The following GEN1 variants were observed in gnomAD, a reference collection of about 807,000 sequenced individuals.
The protein encoded by GEN1 is flap endonuclease GEN homolog 1.
A neutral mutation model predicts 67.6 loss-of-function variants in GEN1; 64 were observed. The observed-to-expected ratio is 0.95, with a 90% confidence interval of 0.77 to 1.17. GEN1 has a LOEUF of 1.17. Among genes scored for constraint, GEN1 ranks in the 50% most tolerant of loss-of-function variants. GEN1 has a pLI of 0.00. For synonymous variants in GEN1, 371 were observed against 359.4 expected (o/e 1.03, Z -0.37); for missense variants, 1,058 against 1,048.3 (o/e 1.01, Z -0.13).
At chr2:17,761,642 T>A in intron 3 of GEN1, 60 bp downstream of exon 3, 1 of 1,140,486 alleles carries the variant, frequency 8.8e-7, no homozygotes, top group Non-Finnish European at 1.3e-6. Context: ...ATTTTACTCT[T>A]AATAGTTTGT....
intron 6 of GEN1, among the ~76,000 whole-genome samples, chr2:17,770,768 A>G (rs1165253583): frequency 1.3e-5 from 2 of 151,892 alleles, no homozygotes; most frequent in Admixed American, 6.6e-5. Flanking sequence ...AATTTTATAT[A>G]TTACTCTTTA....
At chr2:17,770,722 G>T (rs867009093) in intron 6 of GEN1, among the ~76,000 whole-genome samples, 3 of 151,976 alleles carry the variant, frequency 2.0e-5, no homozygotes, top group South Asian at 2.1e-4. Flanking sequence ...TTAGCTTTTT[G>T]ATACAGTTTT....
rs866556816 is a variant in GEN1 at position 17,778,209 on chromosome 2, T to C, written c.1264+146T>C. On this transcript the variant is annotated intron_variant, in intron 12 of 13. Coordinates refer to ENST00000381254, the MANE Select transcript of GEN1 (RefSeq NM_001130009.3). ...ATATACACACACACATATATGTGTA[T>C]ATATATGTATACACACACATATATG... 19,999 of 228,666 alleles carry C rather than the reference T, an allele frequency of 0.087. 4,501 individuals carry two copies. The highest frequency in any genetic ancestry group is 0.56 in the East Asian group (7,121 of 12,650). 14.2% of individuals were successfully genotyped at this position (228,666 alleles called of 1,614,324 possible).
rs138430751 is a variant in GEN1 at position 17,756,224 on chromosome 2, G to A, written c.-16+1879G>A. Among the ~76,000 whole-genome samples the A allele has an allele frequency of 3.5e-3, 531 of 152,304 alleles. 1 individual carries two copies. The highest frequency in any genetic ancestry group is 4.2e-3 in the Non-Finnish European group (288 of 68,020). On this transcript the variant is annotated intron_variant, in intron 1 of 13. Coordinates refer to ENST00000381254, the MANE Select transcript of GEN1 (RefSeq NM_001130009.3). ...CCAAATCCTAGGCTTCCTATCTGAA[G>A]TCCATTGCTTATGAAGTGGTTTGCT...
In GEN1 at chr2:17,778,260, ATGTGTG is replaced by A. The variant is rs1388213641; in HGVS notation, c.1264+199_1264+204del. Among the ~76,000 whole-genome samples the A allele has an allele frequency of 2.1e-4, 8 of 37,252 alleles. 2 individuals are homozygous for A. Among genetic ancestry groups the A allele is most frequent in the African/African-American group, 5.1e-4 (8 of 15,614 alleles). The allele number at this position is 37,252 out of a possible 152,430, so 24.4% of individuals were successfully genotyped here. A position where few individuals can be genotyped will look rare whatever the true frequency, so the allele number is the denominator to read the frequency against. Reference sequence around the variant, plus strand: ...TGTGTACATATATGTATACACACATATGTGTGTACATATATGTATATACACACACAT... The same window carrying A: ...TGTGTACATATATGTATACACACATATACATATATGTATATACACACACAT... On this transcript the variant is annotated intron_variant, in intron 12 of 13. Coordinates refer to ENST00000381254, the MANE Select transcript of GEN1 (RefSeq NM_001130009.3).
chr2:17,778,328 ACATATATGTATACACACACATG>A lies in GEN1; in HGVS notation c.1264+266_1264+287del, dbSNP rs1157878723. ...TATATGTATATACACACACACGTGT[ACATATATGTATACACACACATG>A]TGTGTACATATATGTATATACACAC... On this transcript the variant is annotated intron_variant, in intron 12 of 13. Transcript: ENST00000381254. Among the ~76,000 whole-genome samples the A allele has an allele frequency of 1.2e-3, 48 of 40,144 alleles. 14 individuals are homozygous for A. Among genetic ancestry groups the A allele is most frequent in the African/African-American group, 4.9e-3 (48 of 9,820 alleles). 26.3% of individuals were successfully genotyped at this position (40,144 alleles called of 152,430 possible). A position where few individuals can be genotyped will look rare whatever the true frequency, so the allele number is the denominator to read the frequency against.
Position 17,771,228 on chromosome 2 carries a change from C to G in GEN1, c.743C>G (p.Ser248Cys), listed in dbSNP as rs2125143020. ...CGGTGGAATGAAACATCTTGTAACT[C>G]TAGTCCACAACTGCTAGTCACTAAA... is the stretch of plus-strand genomic sequence containing the variant. ...FNRWNETSCNSSPQLLVTKKL... is the reference protein window; with the variant it reads ...FNRWNETSCNCSPQLLVTKKL... Residue 248 changes from serine (S) to cysteine (C), a missense_variant, in exon 7 of 14, where the codon TCT becomes TGT. Coordinates refer to ENST00000381254, the MANE Select transcript of GEN1 (RefSeq NM_001130009.3). 1.2e-6 allele frequency: 2 copies of G among 1,612,102 alleles called. No homozygotes were observed. Among genetic ancestry groups the G allele is most frequent in the South Asian group, 2.2e-5 (2 of 91,030 alleles).
chr2:17,777,857 A>G (rs1672512905), intron 11 of GEN1, 145 bp from the exon 12 acceptor site: 2 of 497,422 alleles, frequency 4.0e-6, no homozygotes, highest in East Asian at 7.0e-5. Flanking sequence ...TATCTTTTGA[A>G]TAAACTAGTC....
intron 7 of GEN1, among the ~76,000 whole-genome samples, chr2:17,772,099 G>A (rs1181480317): frequency 6.6e-6 from 1 of 151,852 alleles, no homozygotes; most frequent in African/African-American, 2.4e-5. Context: ...CTTTTAAAGG[G>A]AATTAAATTT....
intron 10 of GEN1, 43 bp from the exon 11 acceptor site, chr2:17,774,228 C>T: frequency 8.3e-7 from 1 of 1,201,860 alleles, no homozygotes; most frequent in Non-Finnish European, 1.1e-6. Context: ...TATTTGTCTC[C>T]AAGAGATAAC....
At chr2:17,772,147 A>C (rs902907999) in intron 7 of GEN1, among the ~76,000 whole-genome samples, 3 of 152,074 alleles carry the variant, frequency 2.0e-5, no homozygotes, top group African/African-American at 7.2e-5. Context: ...TTCATGTTCC[A>C]AGGATAGTTT....
chr2:17,759,891 C>G, intron 1 of GEN1, 38 bp from the exon 2 acceptor site: 1 of 1,564,008 alleles, frequency 6.4e-7, no homozygotes, highest in Non-Finnish European at 8.8e-7. Context: ...GCTTCTGTTT[C>G]TTTAACAATA....
chr2:17,779,274 G>A (rs192888885), intron 12 of GEN1, among the ~76,000 whole-genome samples: 43 of 152,288 alleles, frequency 2.8e-4, no homozygotes, highest in African/African-American at 1.0e-3. Context: ...CTTTTCAGAA[G>A]CTATCACTAA....
At chr2:17,778,702 GTCAT>G (rs997685421) in intron 12 of GEN1, among the ~76,000 whole-genome samples, 4 of 151,478 alleles carry the variant, frequency 2.6e-5, no homozygotes, top group East Asian at 1.9e-4. Context: ...AAATGCTGTG[GTCAT>G]TCAATGTCAT....
At chr2:17,772,824 C>A (rs1572408175) in intron 8 of GEN1, 40 bp downstream of exon 8, 1 of 1,494,730 alleles carries the variant, frequency 6.7e-7, no homozygotes. Context: ...CCTGGCATGA[C>A]CTATACACAT....
intron 13 of GEN1, among the ~76,000 whole-genome samples, 169 bp downstream of exon 13, chr2:17,780,290 A>G (rs1176773931): frequency 6.6e-6 from 1 of 152,236 alleles, no homozygotes; most frequent in African/African-American, 2.4e-5. Context: ...TTAAAGCTGA[A>G]AAGCCAGGAA....
Position 17,773,147 on chromosome 2 carries a change from T to C in GEN1, c.990+15T>C. On this transcript the variant is annotated intron_variant, in intron 9 of 13. Transcript: ENST00000381254. ...CATTCCATGAGGTAATATCCAGTAA[T>C]TCAACTCTATTAATTTTAGAAACTT... 2 of 1,572,610 alleles carry C rather than the reference T, an allele frequency of 1.3e-6. No individual in the cohort carries two copies. Among genetic ancestry groups the C allele is most frequent in the Non-Finnish European group, 1.7e-6 (2 of 1,145,938 alleles).
At chr2:17,771,893 C>G (rs780671595) in intron 7 of GEN1, among the ~76,000 whole-genome samples, 2 of 151,380 alleles carry the variant, frequency 1.3e-5, no homozygotes, top group African/African-American at 2.4e-5. Flanking sequence ...AGAAATTCTG[C>G]TATATCTAGT....
rs780319973 is a variant in GEN1 at position 17,784,958 on chromosome 2, G to C, written c.*3019G>C. 2 of 152,298 alleles carry C rather than the reference G, an allele frequency of 1.3e-5. No individual in the cohort carries two copies. Among genetic ancestry groups the C allele is most frequent in the Non-Finnish European group, 2.9e-5 (2 of 68,114 alleles). 9.4% of individuals were successfully genotyped at this position (152,298 alleles called of 1,614,324 possible). ...TGTCAGGAACCGGCCTGCACAGCAGGTGTTGAGCGGCATGCAAGCGAGAAT... is the reference window on the plus strand; with the variant it reads ...TGTCAGGAACCGGCCTGCACAGCAGCTGTTGAGCGGCATGCAAGCGAGAAT... On this transcript the variant is annotated 3_prime_UTR_variant, in exon 14 of 14. Coordinates refer to ENST00000381254, the MANE Select transcript of GEN1 (RefSeq NM_001130009.3).
Sources: allele counts gnomAD v4.1 joint callset (sites outside exome capture counted in the v4.1 genomes callset), GRCh38; gene constraint gnomAD v4.1.1; transcripts MANE v1.5; gene names NCBI Gene and HGNC (gene_info 2026-07-23, HGNC 2026-07-21).